NUDT3: variants seen among roughly 807,000 people sequenced by gnomAD.
NUDT3 encodes diphosphoinositol polyphosphate phosphohydrolase 1.
NUDT3 carries 9 observed loss-of-function variants against 23.6 expected under a neutral mutation model. The observed-to-expected ratio is 0.38, with a 90% CI of 0.23 to 0.66. The LOEUF is 0.66. Ranked by LOEUF, NUDT3 falls within the 30% of genes least tolerant of loss-of-function variation. The pLI, the probability that NUDT3 is intolerant of heterozygous loss-of-function variation, is 0.52. For missense variants in NUDT3, 172 were observed against 218.5 expected (o/e 0.79, Z 1.34); for synonymous variants, 86 against 82.6 (o/e 1.04, Z -0.22).
rs1050941883 is a variant in NUDT3, at chr6:34,282,601, C to T, written c.*6152G>A. On this transcript the variant is annotated 3_prime_UTR_variant, in exon 5 of 5. Transcript: ENST00000607016. ...ATAAGCAATTTAGTAGATAATTATT[C>T]TATACAAGAATTAATGTTCTCTGAA... 1.3e-5 allele frequency: 2 copies of T among 152,060 alleles called. No homozygotes were observed. Among genetic ancestry groups the T allele is most frequent in the Non-Finnish European group, 2.9e-5 (2 of 68,012 alleles). The allele number at this position is 152,060 out of a possible 1,614,324, so 9.4% of individuals were successfully genotyped here. A position where few individuals can be genotyped will look rare whatever the true frequency, so the allele number is the denominator to read the frequency against.
chr6:34,357,286 T>C (rs756682331), intron 1 of NUDT3, among the ~76,000 whole-genome samples: 24 of 152,166 alleles, frequency 1.6e-4, no homozygotes, highest in Middle Eastern at 3.4e-3. Context: ...TACTATTCAG[T>C]CCACTTTGGG....
chr6:34,338,877 C>T (rs1216612988), intron 2 of NUDT3, among the ~76,000 whole-genome samples: 1 of 152,206 alleles, frequency 6.6e-6, no homozygotes, highest in Non-Finnish European at 1.5e-5. Flanking sequence ...TTCTTAATTG[C>T]AGACAACAGA....
Position 34,369,081 on chromosome 6 carries a change from ACTGG to A in NUDT3, c.99+23179_99+23182del, listed in dbSNP as rs1334319199. 2.2e-3 allele frequency among the ~76,000 whole-genome samples: 335 copies of A among 152,346 alleles called. 1 individual carries two copies. Among genetic ancestry groups the A allele is most frequent in the East Asian group, 0.011 (57 of 5,186 alleles). ...GTTTATTGGGTACCTGTAATAGACCACTGGTTGAACACAAGATATAGAAGAAAAA... is the reference window on the plus strand; with the variant it reads ...GTTTATTGGGTACCTGTAATAGACCATTGAACACAAGATATAGAAGAAAAA... On this transcript the variant is annotated intron_variant, in intron 1 of 4. Coordinates refer to ENST00000607016, the MANE Select transcript of NUDT3 (RefSeq NM_006703.4).
chr6:34,316,234 C>A (rs1212634568), intron 2 of NUDT3, among the ~76,000 whole-genome samples: 1 of 152,120 alleles, frequency 6.6e-6, no homozygotes, highest in Admixed American at 6.5e-5. Context: ...ATTTTAGGGC[C>A]TGATGTGGAC....
intron 1 of NUDT3, among the ~76,000 whole-genome samples, chr6:34,347,440 C>T (rs895337748): frequency 1.3e-5 from 2 of 149,870 alleles, no homozygotes; most frequent in Non-Finnish European, 2.9e-5. Flanking sequence ...CCACAGAACA[C>T]ACCCATCCAT....
chr6:34,343,214 C>T (rs1440235928), intron 1 of NUDT3, among the ~76,000 whole-genome samples: 2 of 151,860 alleles, frequency 1.3e-5, no homozygotes, highest in Admixed American at 1.3e-4. Flanking sequence ...ACTATGAAAT[C>T]CACAGTAGTT....
chr6:34,310,303 G>A (rs1763751351), intron 2 of NUDT3, among the ~76,000 whole-genome samples: 1 of 152,050 alleles, frequency 6.6e-6, no homozygotes, highest in African/African-American at 2.4e-5. Context: ...GCCGAGGCAG[G>A]AGGATCACTT....
chr6:34,308,471 A>G (rs952437520), intron 2 of NUDT3, among the ~76,000 whole-genome samples: 8 of 151,928 alleles, frequency 5.3e-5, no homozygotes, highest in Non-Finnish European at 1.0e-4. Flanking sequence ...AAAAAAAAAA[A>G]AAAAAAATAC....
intron 1 of NUDT3, among the ~76,000 whole-genome samples, chr6:34,357,526 A>C (rs1173906202): frequency 2.0e-5 from 3 of 151,460 alleles, no homozygotes; most frequent in Non-Finnish European, 2.9e-5. Flanking sequence ...AGGTGGGAGG[A>C]GCGCCTGAGC....
chr6:34,280,967 A>T lies in NUDT3; in HGVS notation c.*7786T>A, dbSNP rs1215013261. 1 of 152,194 alleles carries T rather than the reference A, an allele frequency of 6.6e-6. No individual in the cohort carries two copies. Among genetic ancestry groups the T allele is most frequent in the Non-Finnish European group, 1.5e-5 (1 of 68,040 alleles). The allele number at this position is 152,194 out of a possible 1,614,324, so 9.4% of individuals were successfully genotyped here. On this transcript the variant is annotated 3_prime_UTR_variant, in exon 5 of 5. Transcript: ENST00000607016. ...GTCCTCTAGAAAAACTTAACTCAAT[A>T]CATCTTGGCTACTTTGCCTCAACCC...
intron 1 of NUDT3, among the ~76,000 whole-genome samples, chr6:34,376,790 G>A (rs1019398826): frequency 6.6e-6 from 1 of 152,032 alleles, no homozygotes; most frequent in Non-Finnish European, 1.5e-5. Context: ...GGACAACTGT[G>A]GTTCCCCACT....
At chr6:34,343,010 T>A (rs1764310632) in intron 1 of NUDT3, among the ~76,000 whole-genome samples, 3 of 152,164 alleles carry the variant, frequency 2.0e-5, no homozygotes, top group South Asian at 4.1e-4. Flanking sequence ...ATTCTTCTGA[T>A]GCTCATCTAC....
At chr6:34,319,927 A>G (rs1763914818) in intron 2 of NUDT3, among the ~76,000 whole-genome samples, 1 of 152,216 alleles carries the variant, frequency 6.6e-6, no homozygotes, top group African/African-American at 2.4e-5. Context: ...GTGCTCCAAC[A>G]TTATAACAAA....
intron 1 of NUDT3, among the ~76,000 whole-genome samples, chr6:34,358,958 G>A (rs1158763254): frequency 6.6e-6 from 1 of 152,168 alleles, no homozygotes; most frequent in Non-Finnish European, 1.5e-5. Flanking sequence ...TTTGTGTTCT[G>A]AAATGAATTA....
At chr6:34,377,736 G>A (rs1333972330) in intron 1 of NUDT3, among the ~76,000 whole-genome samples, 3 of 151,748 alleles carry the variant, frequency 2.0e-5, no homozygotes, top group Admixed American at 6.6e-5. Context: ...GGGAGGCTGA[G>A]GCATGAGAAT....
chr6:34,342,104 C>T, intron 1 of NUDT3, 132 bp from the exon 2 acceptor site: 1 of 757,068 alleles, frequency 1.3e-6, no homozygotes. Flanking sequence ...CAAATCACTT[C>T]TTGCAAAGTA....
chr6:34,353,414 T>C (rs1194942219), intron 1 of NUDT3, among the ~76,000 whole-genome samples: 1 of 151,714 alleles, frequency 6.6e-6, no homozygotes, highest in Non-Finnish European at 1.5e-5. Context: ...AATCTTGTTT[T>C]ACTTACCTAT....
chr6:34,380,698 A>G lies in NUDT3; in HGVS notation c.99+11566T>C, dbSNP rs1765001974. Among the ~76,000 whole-genome samples the G allele has an allele frequency of 1.3e-5, 2 of 152,128 alleles. 1 individual carries two copies. The highest frequency in any genetic ancestry group is 4.1e-4 in the South Asian group (2 of 4,830). On this transcript the variant is annotated intron_variant, in intron 1 of 4. Transcript: ENST00000607016. The stretch of plus-strand genomic sequence containing the variant: ...TGAGAAAAAGGGTCATCACTCTCTC[A>G]TAGACACTGGACTGGGCCTCTTACT...
Position 34,339,180 on chromosome 6 carries a change from C to T in NUDT3, c.210+2682G>A, listed in dbSNP as rs150252934. Among the ~76,000 whole-genome samples the T allele has an allele frequency of 4.4e-3, 672 of 152,336 alleles. 2 individuals are homozygous for T. The highest frequency in any genetic ancestry group is 0.015 in the African/African-American group (634 of 41,578). The stretch of plus-strand genomic sequence containing the variant: ...AGATGGGCCTGCTGCTCTCAGAACA[C>T]GCCCTCCTTGTGACTAAAGCAATCT... On this transcript the variant is annotated intron_variant, in intron 2 of 4. Transcript: ENST00000607016.
Sources: allele counts gnomAD v4.1 joint callset (sites outside exome capture counted in the v4.1 genomes callset), GRCh38; gene constraint gnomAD v4.1.1; transcripts MANE v1.5; gene names NCBI Gene and HGNC (gene_info 2026-07-23, HGNC 2026-07-21).